The following RTN4RL1 variants were observed in gnomAD, a reference collection of about 807,000 sequenced individuals.
RTN4RL1 encodes the protein reticulon 4 receptor like 1.
A neutral mutation model predicts 25.6 loss-of-function variants in RTN4RL1; 7 were observed. The observed-to-expected ratio is 0.27, with a 90% CI of 0.16 to 0.51. The LOEUF (loss-of-function observed/expected upper bound fraction) is 0.51. Ranked by LOEUF, RTN4RL1 falls within the 20% of genes least tolerant of loss-of-function variation. The probability of loss-of-function intolerance (pLI) is 0.97; values close to 1 mark genes in which losing one functional copy is unlikely to be tolerated. For synonymous variants in RTN4RL1, 297 were observed against 288.2 expected (o/e 1.03, Z -0.31); for missense variants, 500 against 615.6 (o/e 0.81, Z 1.99).
intron 1 of RTN4RL1, among the ~76,000 whole-genome samples, chr17:1,952,431 G>C (rs964552985): frequency 1.3e-5 from 2 of 149,896 alleles, no homozygotes; most frequent in Non-Finnish European, 3.0e-5. Context: ...CTGCCTCCCG[G>C]GTTCGAGTGA....
intron 1 of RTN4RL1, among the ~76,000 whole-genome samples, chr17:2,015,733 C>T (rs139050257): frequency 6.6e-6 from 1 of 152,182 alleles, no homozygotes; most frequent in East Asian, 1.9e-4. Context: ...AAGGAGTCTC[C>T]AAGTGTGGAC....
At chr17:2,016,628 C>T (rs942828755) in intron 1 of RTN4RL1, among the ~76,000 whole-genome samples, 2 of 152,204 alleles carry the variant, frequency 1.3e-5, no homozygotes, top group African/African-American at 2.4e-5. Context: ...CGGTGAGAGA[C>T]GGAGTCTGGC....
At chr17:1,958,426 C>A (rs1228539259) in intron 1 of RTN4RL1, among the ~76,000 whole-genome samples, 1 of 112,952 alleles carries the variant, frequency 8.9e-6, no homozygotes, top group African/African-American at 2.8e-5. Flanking sequence ...CTTCATTCCT[C>A]CCCTGTTTTC....
Position 1,994,949 on chromosome 17 carries a change from CATGAA to C in RTN4RL1, c.13+29899_13+29903del, listed in dbSNP as rs1276500743. 6.7e-5 allele frequency among the ~76,000 whole-genome samples: 10 copies of C among 149,650 alleles called. No homozygotes were observed. Among genetic ancestry groups the C allele is most frequent in the African/African-American group, 2.5e-4 (10 of 39,882 alleles). On this transcript the variant is annotated intron_variant, in intron 1 of 1. Coordinates refer to ENST00000331238, the MANE Select transcript of RTN4RL1 (RefSeq NM_178568.4). This position sits in a 1 kb window ranked among gnomAD's most constrained non-coding sequence, Gnocchi z 4.3. ...CCCATCTCTAAAAAAAAAAAAAAATCATGAAATGAGATGACAGAGGCTGTCAACAG... is the reference window on the plus strand; with the variant it reads ...CCCATCTCTAAAAAAAAAAAAAAATCATGAGATGACAGAGGCTGTCAACAG...
At position 1,953,526 on chromosome 17, in the gene RTN4RL1, CAT is replaced by C. The variant is rs1384888527; in HGVS notation, c.14-15720_14-15719del. Among the ~76,000 whole-genome samples, 4 of 152,030 alleles carry C rather than the reference CAT, an allele frequency of 2.6e-5. No homozygotes were observed. In the East Asian group the frequency reaches 5.8e-4, roughly 22 times the overall value. On this transcript the variant is annotated intron_variant, in intron 1 of 1. Transcript: ENST00000331238. ...ATGTAACAAACCTGCACGTTGTGCA[CAT>C]GTTCCCTAGAACTCAAAGTATAAAA...
chr17:1,954,383 C>CTT (rs55654151), intron 1 of RTN4RL1, among the ~76,000 whole-genome samples: 6,256 of 124,002 alleles, frequency 0.05, 290 homozygotes, highest in African/African-American at 0.085. Context: ...TGCTTCCTTC[C>CTT]TTTTTTTTTT....
intron 1 of RTN4RL1, among the ~76,000 whole-genome samples, chr17:1,968,294 A>C (rs949051424): frequency 6.6e-6 from 1 of 151,688 alleles, no homozygotes; most frequent in African/African-American, 2.4e-5. Flanking sequence ...CCACCCTCTC[A>C]GTGACTACCA....
chr17:1,942,796 T>C (rs1186330499), intron 1 of RTN4RL1, among the ~76,000 whole-genome samples: 2 of 152,114 alleles, frequency 1.3e-5, no homozygotes, highest in Non-Finnish European at 2.9e-5. Flanking sequence ...TGCCTACAAG[T>C]TGTCCTGTGA....
chr17:1,978,884 G>C (rs1393162083), intron 1 of RTN4RL1, among the ~76,000 whole-genome samples: 1 of 152,232 alleles, frequency 6.6e-6, no homozygotes. Context: ...GTAGGGCCCA[G>C]AGAAGGGTGG....
At chr17:1,948,229 C>T (rs1174534094) in intron 1 of RTN4RL1, among the ~76,000 whole-genome samples, 2 of 152,126 alleles carry the variant, frequency 1.3e-5, no homozygotes, top group African/African-American at 2.4e-5. Context: ...ATCGAGCCAG[C>T]CCCACCTGGT....
At chr17:1,985,338 A>T (rs537021235) in intron 1 of RTN4RL1, among the ~76,000 whole-genome samples, 2 of 152,194 alleles carry the variant, frequency 1.3e-5, no homozygotes, top group African/African-American at 4.8e-5. Context: ...TACCTTTGGA[A>T]CCTCTTGGGA....
At chr17:1,980,744 A>G (rs888584100) in intron 1 of RTN4RL1, among the ~76,000 whole-genome samples, 14 of 151,702 alleles carry the variant, frequency 9.2e-5, no homozygotes, top group Non-Finnish European at 1.8e-4. Flanking sequence ...CCTGGCCAAC[A>G]TGGAGAAACC....
rs530575907 is a variant in RTN4RL1 at position 2,002,454 on chromosome 17, G to A, written c.13+22399C>T. On this transcript the variant is annotated intron_variant, in intron 1 of 1. Coordinates refer to ENST00000331238, the MANE Select transcript of RTN4RL1 (RefSeq NM_178568.4). ...ACTACAGGCGCCCGCCACCTCGCCTGGCTAATTTTTTGTATTTTTAGTACA... is the reference window on the plus strand; with the variant it reads ...ACTACAGGCGCCCGCCACCTCGCCTAGCTAATTTTTTGTATTTTTAGTACA... 7.3e-5 allele frequency among the ~76,000 whole-genome samples: 11 copies of A among 150,376 alleles called. No homozygotes were observed. The South Asian group carries it at 1.3e-3, about 17-fold the overall frequency.
At chr17:1,952,219 G>A (rs923352489) in intron 1 of RTN4RL1, among the ~76,000 whole-genome samples, 1 of 152,138 alleles carries the variant, frequency 6.6e-6, no homozygotes, top group African/African-American at 2.4e-5. Flanking sequence ...AGGGGAGTTT[G>A]GGGAATAGTG....
intron 1 of RTN4RL1, among the ~76,000 whole-genome samples, chr17:1,969,873 CT>C (rs1339339675): frequency 2.0e-5 from 3 of 152,238 alleles, no homozygotes; most frequent in South Asian, 2.1e-4. Flanking sequence ...CAGGATGGTT[CT>C]TCTGTTGTTC....
rs1241671163 is a variant in RTN4RL1, at chr17:1,994,183, G to A, written c.13+30670C>T. 6.6e-6 allele frequency among the ~76,000 whole-genome samples: 1 copy of A among 152,066 alleles called. No homozygotes were observed. The highest frequency in any genetic ancestry group is 2.4e-5 in the African/African-American group (1 of 41,388). On this transcript the variant is annotated intron_variant, in intron 1 of 1. Transcript: ENST00000331238. This position sits in a 1 kb window ranked among gnomAD's most constrained non-coding sequence, Gnocchi z 4.3. The stretch of plus-strand genomic sequence containing the variant: ...GCTGCCTCTGAGAAGAGTGTGCCCA[G>A]GTGGAATTCACAGGCGCTGGGAGCT...
intron 1 of RTN4RL1, among the ~76,000 whole-genome samples, chr17:1,941,359 G>A (rs553286487): frequency 3.3e-5 from 5 of 152,296 alleles, no homozygotes; most frequent in South Asian, 4.1e-4. Flanking sequence ...TGGGTGTGCC[G>A]TGGGTGGGAG....
At chr17:1,938,166 T>G (rs1915353961) in intron 1 of RTN4RL1, among the ~76,000 whole-genome samples, 1 of 152,232 alleles carries the variant, frequency 6.6e-6, no homozygotes, top group Admixed American at 6.5e-5. Context: ...GCCGTCAGCC[T>G]CCTGCTCTCC....
chr17:2,021,695 C>T (rs1234111393), intron 1 of RTN4RL1, among the ~76,000 whole-genome samples: 1 of 151,584 alleles, frequency 6.6e-6, no homozygotes, highest in Non-Finnish European at 1.5e-5. Context: ...GCTGGGATTA[C>T]AGGCATGAAC....
Sources: allele counts gnomAD v4.1 joint callset (sites outside exome capture counted in the v4.1 genomes callset), GRCh38; gene constraint gnomAD v4.1.1; non-coding constraint Gnocchi (gnomAD v3.1); transcripts MANE v1.5; gene names NCBI Gene and HGNC (gene_info 2026-07-23, HGNC 2026-07-21).